Variants in KHDRBS2 observed in about 807,000 individuals in gnomAD.
KHDRBS2 encodes KH RNA binding domain containing, signal transduction associated 2.
A neutral mutation model predicts 44.3 loss-of-function variants in KHDRBS2; 26 were observed. That is an observed-to-expected ratio of 0.59 (90% confidence interval 0.43 to 0.81). The LOEUF (loss-of-function observed/expected upper bound fraction) is 0.81, where lower values mean the gene tolerates loss of function less well. Ranked by LOEUF, KHDRBS2 falls within the 40% of genes least tolerant of loss-of-function variation. KHDRBS2 has a pLI of 0.00. For synonymous variants in KHDRBS2, 194 were observed against 151.1 expected (o/e 1.28, Z -2.08); for missense variants, 476 against 433.1 (o/e 1.10, Z -0.88).
At chr6:61,689,158 C>A (rs151176312) in intron 8 of KHDRBS2, among the ~76,000 whole-genome samples, 167 of 152,008 alleles carry the variant, frequency 1.1e-3, no homozygotes, top group African/African-American at 3.9e-3. Context: ...TACATAATGA[C>A]GTGCCAGGAG....
rs115981781 is a variant in KHDRBS2 at position 61,804,201 on chromosome 6, C to T, written c.811-71437G>A. Among the ~76,000 whole-genome samples the T allele has an allele frequency of 1.9e-3, 289 of 152,250 alleles. 2 individuals carry two copies. The highest frequency in any genetic ancestry group is 6.3e-3 in the African/African-American group (260 of 41,550). The stretch of plus-strand genomic sequence containing the variant: ...GAAATTGGCCAAAACGAAGGGACTA[C>T]CGGCCCCTTGCAAGTCTGAAATCCA... On this transcript the variant is annotated intron_variant, in intron 6 of 8. Transcript: ENST00000281156.
rs796895915 is a variant in KHDRBS2 at position 62,143,923 on chromosome 6, C to T, written c.219+33262G>A. On this transcript the variant is annotated intron_variant, in intron 2 of 8. Coordinates refer to ENST00000281156, the MANE Select transcript of KHDRBS2 (RefSeq NM_152688.4). ...ATTTATGCTTTTTTAAGATACAAAA[C>T]TTAACACTTAATTCAGATATTCAAC... 1.4e-4 allele frequency among the ~76,000 whole-genome samples: 21 copies of T among 151,946 alleles called. 1 individual carries two copies. Among genetic ancestry groups the T allele is most frequent in the African/African-American group, 5.1e-4 (21 of 41,512 alleles).
intron 4 of KHDRBS2, among the ~76,000 whole-genome samples, chr6:61,971,558 A>G (rs1771423495): frequency 6.6e-6 from 1 of 152,138 alleles, no homozygotes; most frequent in Non-Finnish European, 1.5e-5. Flanking sequence ...TGTATTTTAA[A>G]ATGTTCACTG....
At chr6:62,163,592 G>A (rs78903429) in intron 2 of KHDRBS2, among the ~76,000 whole-genome samples, 55 of 152,040 alleles carry the variant, frequency 3.6e-4, no homozygotes, top group African/African-American at 1.1e-3. Context: ...CTGCTTTTCC[G>A]TCTGTGGGCC....
the KHDRBS2 span, among the ~76,000 whole-genome samples, chr6:61,577,369 AAC>A: frequency 6.6e-6 from 1 of 152,150 alleles, no homozygotes; most frequent in Non-Finnish European, 1.5e-5. Context: ...TGGAGGAGGA[AAC>A]ACAGATTCAT....
At chr6:61,605,288 C>T in the KHDRBS2 span, among the ~76,000 whole-genome samples, 2 of 152,144 alleles carry the variant, frequency 1.3e-5, no homozygotes, top group Non-Finnish European at 2.9e-5. Flanking sequence ...ATTCACCATT[C>T]TCAACTATTC....
chr6:61,930,397 A>G (rs1385871235), intron 4 of KHDRBS2, among the ~76,000 whole-genome samples: 3 of 152,102 alleles, frequency 2.0e-5, no homozygotes, highest in African/African-American at 7.2e-5. Context: ...TTAAGAAAGA[A>G]CTAGTTCTCA....
chr6:61,587,186 AG>A, the KHDRBS2 span, among the ~76,000 whole-genome samples: 1 of 152,148 alleles, frequency 6.6e-6, no homozygotes, highest in Non-Finnish European at 1.5e-5. Context: ...TTTGCATCAC[AG>A]CTTGGGCCTT....
chr6:62,037,803 T>C (rs1476050026), intron 3 of KHDRBS2, among the ~76,000 whole-genome samples: 1 of 152,040 alleles, frequency 6.6e-6, no homozygotes, highest in African/African-American at 2.4e-5. Context: ...CATAACAGAT[T>C]ACTGTCCATC....
intron 6 of KHDRBS2, among the ~76,000 whole-genome samples, chr6:61,810,327 G>C (rs1368690818): frequency 1.3e-5 from 2 of 152,018 alleles, no homozygotes; most frequent in African/African-American, 4.8e-5. Context: ...GTGGTGTTGA[G>C]AGATGACCAA....
At chr6:62,019,871 T>C (rs188849474) in intron 3 of KHDRBS2, among the ~76,000 whole-genome samples, 5 of 152,040 alleles carry the variant, frequency 3.3e-5, no homozygotes, top group African/African-American at 9.6e-5. Flanking sequence ...GTTGATTTTC[T>C]CCAAGAACAA....
At chr6:61,633,775 A>T in the KHDRBS2 span, among the ~76,000 whole-genome samples, 11 of 146,930 alleles carry the variant, frequency 7.5e-5, no homozygotes, top group Non-Finnish European at 6.0e-5. Context: ...TTAAAAGAGT[A>T]TATATTAATA....
At chr6:62,123,060 C>T (rs1435849205) in intron 2 of KHDRBS2, among the ~76,000 whole-genome samples, 1 of 152,184 alleles carries the variant, frequency 6.6e-6, no homozygotes, top group East Asian at 1.9e-4. Context: ...AGACCCCCAA[C>T]CCCCAACTGG....
intron 2 of KHDRBS2, among the ~76,000 whole-genome samples, chr6:62,099,204 G>C (rs1006353734): frequency 2.0e-5 from 3 of 152,104 alleles, no homozygotes; most frequent in Non-Finnish European, 4.4e-5. Flanking sequence ...ATGCTTATGA[G>C]TATATAATGA....
intron 6 of KHDRBS2, among the ~76,000 whole-genome samples, chr6:61,804,732 C>A (rs1230202617): frequency 6.6e-6 from 1 of 152,232 alleles, no homozygotes; most frequent in Non-Finnish European, 1.5e-5. Context: ...AAGCAACAGT[C>A]TGACCTGTAC....
At chr6:62,069,683 G>T (rs1794537798) in intron 2 of KHDRBS2, among the ~76,000 whole-genome samples, 1 of 151,816 alleles carries the variant, frequency 6.6e-6, no homozygotes, top group South Asian at 2.1e-4. Context: ...TATGTAAAAT[G>T]GATGCCTTCA....
chr6:62,192,940 G>T (rs1824913127), intron 1 of KHDRBS2, among the ~76,000 whole-genome samples: 1 of 152,056 alleles, frequency 6.6e-6, no homozygotes, highest in African/African-American at 2.4e-5. Context: ...TACATTTCAA[G>T]AAGCCAAACT....
the KHDRBS2 span, among the ~76,000 whole-genome samples, chr6:61,544,382 G>T: frequency 3.9e-5 from 6 of 152,080 alleles, no homozygotes; most frequent in Admixed American, 6.6e-5. Context: ...AATCTCATAA[G>T]TAAAAGTTGA....
chr6:62,129,752 G>C (rs1036908372), intron 2 of KHDRBS2, among the ~76,000 whole-genome samples: 1 of 151,890 alleles, frequency 6.6e-6, no homozygotes, highest in African/African-American at 2.4e-5. Context: ...TATTTGACAT[G>C]CTCTATAGCC....
Sources: gnomAD v4.1 joint callset for allele counts (sites outside exome capture counted in the v4.1 genomes callset) on GRCh38, gnomAD v4.1.1 for gene constraint, MANE v1.5 for transcripts, NCBI Gene and HGNC (gene_info 2026-07-23, HGNC 2026-07-21) for gene names.